Variants in HHLA2 observed in about 807,000 individuals in gnomAD.
The protein encoded by HHLA2 is HHLA2 member of B7 family.
Under a neutral mutation model 45.9 loss-of-function variants are expected in HHLA2, and 48 were observed. That is an observed-to-expected ratio of 1.05 (90% CI 0.83 to 1.33). HHLA2 has a LOEUF of 1.33. HHLA2 is among the 40% of genes most tolerant of loss of function. The pLI, the probability that HHLA2 is intolerant of heterozygous loss-of-function variation, is 0.00. For missense variants in HHLA2, 462 were observed against 494.3 expected (o/e 0.93, Z 0.62); for synonymous variants, 161 against 173.9 (o/e 0.93, Z 0.59).
chr3:108,351,933 A>G (rs2081785812), intron 4 of HHLA2, 56 bp downstream of exon 3: 3 of 1,203,334 alleles, frequency 2.5e-6, no homozygotes, highest in African/African-American at 1.5e-5. Flanking sequence ...TAGAAACATG[A>G]GCACACAATG....
chr3:108,326,973 A>G (rs2081300486), intron 2 of HHLA2, among the ~76,000 whole-genome samples: 1 of 152,112 alleles, frequency 6.6e-6, no homozygotes, highest in Non-Finnish European at 1.5e-5. Context: ...CCTGAAAAAC[A>G]TGCCTGTAGT....
chr3:108,318,308 T>A (rs111617944), intron 2 of HHLA2, among the ~76,000 whole-genome samples: 5 of 152,326 alleles, frequency 3.3e-5, no homozygotes, highest in African/African-American at 1.2e-4. Flanking sequence ...CAATAACTTT[T>A]CATGGAGGGT....
intron 3 of HHLA2, among the ~76,000 whole-genome samples, chr3:108,336,148 A>G (rs2081468602): frequency 6.6e-6 from 1 of 152,252 alleles, no homozygotes; most frequent in East Asian, 1.9e-4. Context: ...GAATAAAGGC[A>G]ATGGACTAAT....
chr3:108,308,009 C>T (rs1177826638), intron 1 of HHLA2, among the ~76,000 whole-genome samples: 2 of 152,158 alleles, frequency 1.3e-5, no homozygotes, highest in Non-Finnish European at 2.9e-5. Context: ...CTTTGAATTA[C>T]AAATAATTCA....
At chr3:108,310,215 G>T (rs1405358106) in intron 1 of HHLA2, among the ~76,000 whole-genome samples, 1 of 151,902 alleles carries the variant, frequency 6.6e-6, no homozygotes, top group Non-Finnish European at 1.5e-5. Flanking sequence ...GAGAAATTAG[G>T]CTAAATTAAT....
chr3:108,301,478 G>A (rs2080847483), intron 1 of HHLA2, among the ~76,000 whole-genome samples: 1 of 152,048 alleles, frequency 6.6e-6, no homozygotes, highest in East Asian at 1.9e-4. Context: ...TCTTCTTACA[G>A]TCTTTTTTAT....
At chr3:108,338,272 A>G (rs1039667723) in intron 3 of HHLA2, among the ~76,000 whole-genome samples, 3 of 152,012 alleles carry the variant, frequency 2.0e-5, no homozygotes, top group Non-Finnish European at 4.4e-5. Context: ...ATATTTGAAT[A>G]TTATTGAAGG....
At chr3:108,325,563 T>C (rs936411249) in intron 2 of HHLA2, 13 of 260,308 alleles carry the variant, frequency 5.0e-5, no homozygotes, top group Non-Finnish European at 9.7e-5. Context: ...GTTTTGTAGT[T>C]TGGCAAAGTA....
chr3:108,365,740 T>G (rs1576175597), intron 8 of HHLA2, among the ~76,000 whole-genome samples: 1 of 152,342 alleles, frequency 6.6e-6, no homozygotes, highest in South Asian at 2.1e-4. Context: ...ATCTTCTTTG[T>G]AGCAATTGTG....
chr3:108,369,818 C>T (rs2082135992), intron 8 of HHLA2, among the ~76,000 whole-genome samples: 1 of 152,232 alleles, frequency 6.6e-6, no homozygotes, highest in Non-Finnish European at 1.5e-5. Context: ...AGCCAGGAAG[C>T]TCGAACTGGG....
intron 3 of HHLA2, among the ~76,000 whole-genome samples, chr3:108,347,464 C>A (rs999794772): frequency 1.3e-5 from 2 of 152,056 alleles, no homozygotes; most frequent in Non-Finnish European, 2.9e-5. Flanking sequence ...GATTGGGGGA[C>A]AGACAGGACC....
chr3:108,304,700 G>A lies in HHLA2; in HGVS notation c.-191-5955G>A, dbSNP rs116382639. Among the ~76,000 whole-genome samples the A allele has an allele frequency of 9.4e-3, 1,428 of 152,140 alleles. 12 individuals are homozygous for A. Among genetic ancestry groups the A allele is most frequent in the Non-Finnish European group, 0.017 (1,125 of 67,992 alleles). ...CACAAATCTACTGTGTCTGAGAGTG[G>A]GCTTCACCTCCCTACTAATGGTCTG... On this transcript the variant is annotated intron_variant, in intron 1 of 10. Coordinates refer to ENST00000619531, the Ensembl canonical transcript of HHLA2.
chr3:108,338,484 A>G (rs909973695), intron 3 of HHLA2, among the ~76,000 whole-genome samples: 2 of 152,158 alleles, frequency 1.3e-5, no homozygotes, highest in African/African-American at 2.4e-5. Context: ...GTGTGCTCCT[A>G]TGCACTTGAC....
rs9848996 is a variant in HHLA2 at position 108,343,510 on chromosome 3, A to T, written c.-26-8278A>T. Among the ~76,000 whole-genome samples, 655 of 152,360 alleles carry T rather than the reference A, an allele frequency of 4.3e-3. 3 individuals carry two copies. The highest frequency in any genetic ancestry group is 0.015 in the African/African-American group (629 of 41,592). ...TAGGTGCAAGTACTTGATAGAAAGC[A>T]GTCTATTTTAAAGTATCACTTAATA... On this transcript the variant is annotated intron_variant, in intron 3 of 10. Coordinates refer to ENST00000619531, the Ensembl canonical transcript of HHLA2.
chr3:108,369,754 G>A (rs149384098), intron 8 of HHLA2, among the ~76,000 whole-genome samples: 3,196 of 152,206 alleles, frequency 0.021, 109 homozygotes, highest in African/African-American at 0.071. Flanking sequence ...AGGCAGCAGC[G>A]AGCCTGGGGG....
chr3:108,304,625 G>A (rs2107290300), intron 1 of HHLA2, among the ~76,000 whole-genome samples: 1 of 152,206 alleles, frequency 6.6e-6, no homozygotes, highest in African/African-American at 2.4e-5. Flanking sequence ...ACAACCAGTC[G>A]ATCCACTACA....
intron 1 of HHLA2, among the ~76,000 whole-genome samples, chr3:108,298,666 G>A (rs1468017714): frequency 2.6e-5 from 4 of 152,202 alleles, no homozygotes; most frequent in African/African-American, 7.2e-5. Flanking sequence ...GTTAGCAGGT[G>A]CAGCTTGTTA....
At chr3:108,356,503 C>T (rs2081896246) in intron 6 of HHLA2, among the ~76,000 whole-genome samples, 1 of 152,036 alleles carries the variant, frequency 6.6e-6, no homozygotes, top group South Asian at 2.1e-4. Flanking sequence ...TACATGAGTC[C>T]AGTGTTAAAG....
chr3:108,316,674 T>C (rs2081108843), intron 2 of HHLA2, among the ~76,000 whole-genome samples: 1 of 152,190 alleles, frequency 6.6e-6, no homozygotes, highest in African/African-American at 2.4e-5. Flanking sequence ...TAAGCTTTAC[T>C]TTATCAAAGA....
Sources: gnomAD v4.1 joint callset for allele counts (sites outside exome capture counted in the v4.1 genomes callset) on GRCh38, gnomAD v4.1.1 for gene constraint, MANE v1.5 for transcripts, NCBI Gene and HGNC (gene_info 2026-07-23, HGNC 2026-07-21) for gene names.